LAMA2: variants seen among roughly 807,000 people sequenced by gnomAD.
The protein encoded by LAMA2 is laminin subunit alpha 2.
A neutral mutation model predicts 364.8 loss-of-function variants in LAMA2; 269 were observed. The observed-to-expected ratio is 0.74, with a 90% CI of 0.67 to 0.82. The LOEUF is 0.82. Among genes scored for constraint, LAMA2 ranks in the 40% least tolerant of loss-of-function variants. The pLI is 0.00. For synonymous variants in LAMA2, 1,379 were observed against 1,370.6 expected, an observed-to-expected ratio of 1.01 and a Z score of -0.14; for missense variants, 3,807 against 3,873.2, an observed-to-expected ratio of 0.98 and a Z score of 0.45.
chr6:128,937,348 G>C (rs1779888187), intron 1 of LAMA2, among the ~76,000 whole-genome samples: 1 of 152,042 alleles, frequency 6.6e-6, no homozygotes, highest in African/African-American at 2.4e-5. Context: ...GTCCTTATCT[G>C]GGTTAGCATT....
rs1405213105 is a variant in LAMA2, at chr6:129,316,038, A to G, written c.3925A>G (p.Lys1309Glu). The G allele has an allele frequency of 1.2e-6, 2 of 1,614,122 alleles. No homozygotes were observed. The highest frequency in any genetic ancestry group is 1.7e-5 in the Admixed American group (1 of 60,022). Residue 1309 changes from lysine to glutamate, a missense_variant and splice_region_variant, in exon 27 of 65, where the codon AAA becomes GAA. Around this residue, in one of 3 missense-constraint regions of LAMA2, gnomAD observed 3,333 missense variants for 3,345.7 expected, o/e 1.00. Transcript: ENST00000421865. ...TAGTGATTTCTCTTCTTGTTAACAG[A>G]AAGAATGGAAATATTATGGGGATGA... is the stretch of plus-strand genomic sequence containing the variant. ...LTRHEIEMTE[K>E]EWKYYGDDPR...
chr6:129,497,906 A>G (rs939892408), intron 58 of LAMA2, among the ~76,000 whole-genome samples: 4 of 152,154 alleles, frequency 2.6e-5, no homozygotes, highest in Admixed American at 2.6e-4. Flanking sequence ...CTTCTCTCTT[A>G]TTCTTTAGCC....
At chr6:129,187,351 AACACTAT>A (rs1329195923) in intron 10 of LAMA2, among the ~76,000 whole-genome samples, 4 of 151,830 alleles carry the variant, frequency 2.6e-5, no homozygotes, top group Non-Finnish European at 5.9e-5. Context: ...AAAGTCCCAG[AACACTAT>A]ACTTCTGTGT....
intron 40 of LAMA2, among the ~76,000 whole-genome samples, chr6:129,420,605 G>T (rs191214811): frequency 1.1e-4 from 17 of 151,838 alleles, no homozygotes; most frequent in African/African-American, 3.9e-4. Context: ...TCTTTAAAAA[G>T]TAAACAAAAA....
intron 41 of LAMA2, among the ~76,000 whole-genome samples, chr6:129,435,494 A>G (rs933403808): frequency 3.3e-5 from 5 of 152,182 alleles, no homozygotes; most frequent in Non-Finnish European, 7.3e-5. Context: ...GAGAAAATCC[A>G]ATTACTTGGA....
At chr6:129,206,109 G>GAAGA (rs1782646581) in intron 12 of LAMA2, among the ~76,000 whole-genome samples, 1 of 59,972 alleles carries the variant, frequency 1.7e-5, no homozygotes, top group Non-Finnish European at 4.0e-5. Context: ...AGGGAGGGAG[G>GAAGA]AAGGAAGGAA....
intron 12 of LAMA2, among the ~76,000 whole-genome samples, chr6:129,211,796 C>T (rs867542407): frequency 6.6e-6 from 1 of 152,164 alleles, no homozygotes; most frequent in African/African-American, 2.4e-5. Flanking sequence ...CACCTACCAC[C>T]CAGCAGGCAG....
chr6:129,504,163 G>A (rs549970332), intron 60 of LAMA2, among the ~76,000 whole-genome samples: 5 of 152,224 alleles, frequency 3.3e-5, no homozygotes, highest in African/African-American at 7.2e-5. Context: ...TAAAAAACGC[G>A]AAGCCAACCA....
intron 8 of LAMA2, among the ~76,000 whole-genome samples, chr6:129,157,051 C>G (rs1463240836): frequency 1.6e-4 from 25 of 152,158 alleles, no homozygotes. Context: ...TAAGCAGTAT[C>G]CCAAACACAT....
intron 8 of LAMA2, among the ~76,000 whole-genome samples, chr6:129,156,610 A>G (rs1389109132): frequency 1.3e-5 from 2 of 152,096 alleles, no homozygotes; most frequent in Non-Finnish European, 2.9e-5. Flanking sequence ...CATTGCTATC[A>G]AATGCAGGAA....
rs1455363643 is a variant in LAMA2 at position 129,154,421 on chromosome 6, A to T, written c.1028-84A>T. On this transcript the variant is annotated intron_variant, in intron 7 of 64. Coordinates refer to ENST00000421865, the MANE Select transcript of LAMA2 (RefSeq NM_000426.4). ...AGAGTGAGACTCTGTCTCAAAAAAA[A>T]AATCTATTATGTATAACAGAAATGA... The T allele has an allele frequency of 6.9e-6, 9 of 1,312,174 alleles. No individual in the cohort carries two copies. In the African/African-American group the frequency reaches 1.2e-4, roughly 17 times the overall value. The allele number at this position is 1,312,174 out of a possible 1,614,324, so 81.3% of individuals were successfully genotyped here. A position where few individuals can be genotyped will look rare whatever the true frequency, so the allele number is the denominator to read the frequency against.
At chr6:129,114,862 T>C (rs1441707691) in intron 4 of LAMA2, among the ~76,000 whole-genome samples, 1 of 152,046 alleles carries the variant, frequency 6.6e-6, no homozygotes, top group East Asian at 1.9e-4. Context: ...TGGGAACTGA[T>C]TTGTCTAGTT....
At chr6:129,057,771 A>T (rs1052816954) in intron 2 of LAMA2, among the ~76,000 whole-genome samples, 7 of 152,182 alleles carry the variant, frequency 4.6e-5, no homozygotes, top group Non-Finnish European at 1.0e-4. Context: ...TATTATTAGA[A>T]TACATGGCTA....
chr6:129,174,799 G>C (rs1780461068), intron 9 of LAMA2, among the ~76,000 whole-genome samples: 2 of 152,034 alleles, frequency 1.3e-5, no homozygotes, highest in Admixed American at 1.3e-4. Context: ...CAACGATTCT[G>C]TTATCTGCCA....
intron 1 of LAMA2, among the ~76,000 whole-genome samples, chr6:128,993,535 A>G (rs1174422358): frequency 6.6e-6 from 1 of 151,976 alleles, no homozygotes; most frequent in Non-Finnish European, 1.5e-5. Context: ...TACATGAAAG[A>G]CACTCTGCCT....
chr6:129,036,716 G>C (rs539611147), intron 1 of LAMA2, among the ~76,000 whole-genome samples: 35 of 151,920 alleles, frequency 2.3e-4, no homozygotes, highest in African/African-American at 8.4e-4. Flanking sequence ...AGCTGAAAAG[G>C]GCAGATCTAA....
chr6:129,209,159 A>C (rs1782919035), intron 12 of LAMA2, among the ~76,000 whole-genome samples: 1 of 152,224 alleles, frequency 6.6e-6, no homozygotes. Context: ...TTCTTATATC[A>C]CATAATTTTA....
intron 1 of LAMA2, among the ~76,000 whole-genome samples, chr6:128,912,706 A>G (rs1266124660): frequency 6.6e-6 from 1 of 152,238 alleles, no homozygotes; most frequent in Non-Finnish European, 1.5e-5. Flanking sequence ...TAGTAGGGAA[A>G]AAAGTAAGTG....
intron 1 of LAMA2, among the ~76,000 whole-genome samples, chr6:128,884,405 A>G (rs955082414): frequency 1.3e-5 from 2 of 152,328 alleles, no homozygotes; most frequent in Admixed American, 6.5e-5. Flanking sequence ...AGCTTTTAAA[A>G]GTTTTAATGA....
Sources: allele counts gnomAD v4.1 joint callset (sites outside exome capture counted in the v4.1 genomes callset), GRCh38; gene constraint gnomAD v4.1.1; regional missense constraint gnomAD v4.1.1; transcripts MANE v1.5; gene names NCBI Gene and HGNC (gene_info 2026-07-23, HGNC 2026-07-21).